Variants in WDR83 observed in about 807,000 individuals in gnomAD.
WDR83 encodes WD repeat domain 83.
Under a neutral mutation model 37.7 loss-of-function variants are expected in WDR83, and 37 were observed. The ratio of observed to expected loss-of-function variants is 0.98; its 90% CI spans 0.76 to 1.29. The LOEUF is 1.29. Ranked by LOEUF, WDR83 falls within the 50% of genes most tolerant of loss-of-function variation. The pLI is 0.00. For synonymous variants in WDR83, 174 were observed against 181.1 expected (o/e 0.96, Z 0.31); for missense variants, 445 against 414.4 (o/e 1.07, Z -0.64).
At chr19:12,670,526 A>G (rs1231465840) in intron 5 of WDR83, 37 bp from the exon 6 acceptor site, 2 of 1,614,096 alleles carry the variant, frequency 1.2e-6, no homozygotes, top group East Asian at 2.2e-5. Flanking sequence ...CAGTCCTCCA[A>G]AGTCCAGCCT....
chr19:12,667,009 T>A lies in WDR83; in HGVS notation c.-157+17T>A, dbSNP rs575620500. On this transcript the variant is annotated intron_variant, in intron 1 of 10. Coordinates refer to ENST00000418543, the MANE Select transcript of WDR83 (RefSeq NM_001099737.3). ...TTAATGCCGGTAGGAGCAGAAGTGCTTTTCCTAAGGGGGCCGGGTTTTCCT... is the reference window on the plus strand; with the variant it reads ...TTAATGCCGGTAGGAGCAGAAGTGCATTTCCTAAGGGGGCCGGGTTTTCCT... 1.1e-5 allele frequency: 5 copies of A among 470,640 alleles called. No individual in the cohort carries two copies. The highest frequency in any genetic ancestry group is 1.0e-4 in the African/African-American group (5 of 49,332). The allele number at this position is 470,640 out of a possible 1,614,324, so 29.2% of individuals were successfully genotyped here.
chr19:12,671,655 G>C (rs916141349), intron 7 of WDR83, among the ~76,000 whole-genome samples: 6 of 152,110 alleles, frequency 3.9e-5, no homozygotes, highest in Non-Finnish European at 7.4e-5. Flanking sequence ...CTCAAAATAA[G>C]TAAATAAATT....
At position 12,670,032 on chromosome 19, in the gene WDR83, C is replaced by T. The variant is rs763697074; in HGVS notation, c.159C>T (p.Asn53=). The T allele has an allele frequency of 5.6e-6, 9 of 1,613,396 alleles. No individual in the cohort carries two copies. Among genetic ancestry groups the T allele is most frequent in the South Asian group, 2.2e-5 (2 of 91,056 alleles). ...CGSDKTLKLW[N]PLRGTLLRTY... is the part of the protein sequence containing the mutation. The stretch of plus-strand genomic sequence containing the variant: ...GTGACAAGACGCTGAAGCTGTGGAA[C>T]CCGCTTCGGGGGACGCTGCTGCGGA... The change falls in exon 4 of 11, where the codon AAC becomes AAT. Residue 53 remains asparagine (N), a synonymous_variant. Coordinates refer to ENST00000418543, the MANE Select transcript of WDR83 (RefSeq NM_001099737.3).
chr19:12,670,538 CTCT>C (rs1340551137), intron 5 of WDR83, 22 bp from the exon 6 acceptor site: 1 of 1,614,186 alleles, frequency 6.2e-7, no homozygotes. Flanking sequence ...GTCCAGCCTC[CTCT>C]GAGTGGCAAT....
In WDR83 at chr19:12,668,579, G is replaced by A. The variant is rs778302399; in HGVS notation, c.-85G>A. The stretch of plus-strand genomic sequence containing the variant: ...AGCTCCGAGAGTTGGCAAAGCTGAT[G>A]AAGGAGCAGTAGACAGCGACCCAAG... On this transcript the variant is annotated 5_prime_UTR_variant, in exon 2 of 11. The change abolishes an upstream ATG in the 5' untranslated region. Coordinates refer to ENST00000418543, the MANE Select transcript of WDR83 (RefSeq NM_001099737.3). The A allele has an allele frequency of 4.3e-6, 7 of 1,614,028 alleles. No homozygotes were observed. The African/African-American group carries it at 9.3e-5, about 22-fold the overall frequency.
intron 2 of WDR83, chr19:12,669,412 G>C (rs138063650): frequency 6.3e-7 from 1 of 1,591,676 alleles, no homozygotes; most frequent in South Asian, 1.1e-5. Flanking sequence ...ATAGCGAGTC[G>C]AAGGCCAGAT....
intron 8 of WDR83, 38 bp downstream of exon 8, chr19:12,672,952 TGGG>T: frequency 6.3e-7 from 1 of 1,595,350 alleles, no homozygotes; most frequent in Non-Finnish European, 8.5e-7. Context: ...GCAGGGAAGA[TGGG>T]GGGCCAACCA....
intron 7 of WDR83, among the ~76,000 whole-genome samples, chr19:12,672,025 G>C (rs1451541117): frequency 2.6e-5 from 4 of 152,184 alleles, no homozygotes; most frequent in Non-Finnish European, 4.4e-5. Context: ...TCATTAAGTG[G>C]AAGTGAAGAG....
intron 10 of WDR83, among the ~76,000 whole-genome samples, chr19:12,673,848 T>C (rs1316767414): frequency 2.0e-5 from 3 of 151,918 alleles, no homozygotes; most frequent in African/African-American, 7.3e-5. Flanking sequence ...TACAGGCCCC[T>C]ACCACCATAC....
At chr19:12,671,052 G>A in intron 7 of WDR83, 1 of 558,008 alleles carries the variant, frequency 1.8e-6, no homozygotes, top group Non-Finnish European at 2.9e-6. Flanking sequence ...ATCTGGCCGG[G>A]CACGGTGGCT....
At chr19:12,671,733 C>G (rs900394040) in intron 7 of WDR83, among the ~76,000 whole-genome samples, 1 of 152,196 alleles carries the variant, frequency 6.6e-6, no homozygotes, top group African/African-American at 2.4e-5. Flanking sequence ...CAGTCTCGCT[C>G]TGTTGCCAGG....
intron 10 of WDR83, among the ~76,000 whole-genome samples, chr19:12,674,699 G>C (rs546504460): frequency 1.3e-5 from 2 of 152,158 alleles, no homozygotes; most frequent in Admixed American, 6.5e-5. Context: ...TGGTGGCAGG[G>C]AACAGGCAAG....
rs1264408507 is a variant in WDR83 at position 12,673,056 on chromosome 19, T to C, written c.623T>C (p.Val208Ala). The C allele has an allele frequency of 6.2e-7, 1 of 1,613,710 alleles. No homozygotes were observed. The highest frequency in any genetic ancestry group is 1.1e-5 in the South Asian group (1 of 91,074). ...CFSRDGQCTLVSSLDSTLRLL... is the reference protein window; with the variant it reads ...CFSRDGQCTLASSLDSTLRLL... Reference sequence around the variant, plus strand: ...AGCCGGGATGGGCAGTGCACCCTGGTGTCCAGCCTGGACTCCACATTGCGG... The same window carrying C: ...AGCCGGGATGGGCAGTGCACCCTGGCGTCCAGCCTGGACTCCACATTGCGG... The change falls in exon 9 of 11, where the codon GTG (valine) becomes GCG (alanine). Residue 208 changes from valine to alanine, a missense_variant. Transcript: ENST00000418543.
At chr19:12,674,663 G>T (rs2024517215) in intron 10 of WDR83, among the ~76,000 whole-genome samples, 1 of 152,180 alleles carries the variant, frequency 6.6e-6, no homozygotes. Flanking sequence ...CATTGGGGCT[G>T]CCAAATGGAC....
chr19:12,674,205 T>C (rs2024504641), intron 10 of WDR83, among the ~76,000 whole-genome samples: 2 of 152,212 alleles, frequency 1.3e-5, no homozygotes, highest in Admixed American at 1.3e-4. Flanking sequence ...CCGACGGCCA[T>C]GTCTAACCTT....
intron 10 of WDR83, among the ~76,000 whole-genome samples, chr19:12,673,787 C>A (rs558945240): frequency 1.3e-5 from 2 of 152,122 alleles, no homozygotes; most frequent in Non-Finnish European, 1.5e-5. Context: ...CAACCTCTTC[C>A]CCCCAGGGTT....
At position 12,675,602 on chromosome 19, in the gene WDR83, T is replaced by C; in HGVS notation, c.878T>C (p.Leu293Pro). Residue 293 changes from leucine (L) to proline (P), a missense_variant, in exon 11 of 11, where the codon CTG (leucine) becomes CCG (proline). By Grantham distance (98) the Leu-to-Pro change is moderately conservative. Transcript: ENST00000418543. ...LAYHPTEPCL[L>P]TAMGGSVQCW... ...TACCACCCAACAGAGCCCTGCCTGC[T>C]GACCGCCATGGGAGGCAGCGTCCAG... 1 of 1,604,908 alleles carries C rather than the reference T, an allele frequency of 6.2e-7. No homozygotes were observed. The highest frequency in any genetic ancestry group is 8.5e-7 in the Non-Finnish European group (1 of 1,179,952).
Position 12,670,737 on chromosome 19 carries a change from G to C in WDR83, c.422G>C (p.Arg141Pro), listed in dbSNP as rs369944457. The C allele has an allele frequency of 1.2e-5, 20 of 1,614,054 alleles. No homozygotes were observed. Among genetic ancestry groups the C allele is most frequent in the Middle Eastern group, 1.6e-4 (1 of 6,084 alleles). The stretch of plus-strand genomic sequence containing the variant: ...ATCCGCTGTTGGGATTGCCGCTCAC[G>C]GAGGCCTGAGCCAGTGCAGACGCTG... ...SSIRCWDCRS[R>P]RPEPVQTLDE... The change falls in exon 7 of 11, where the codon CGG becomes CCG. Residue 141 changes from arginine (R) to proline (P), a missense_variant. By Grantham distance (103) the Arg-to-Pro change is moderately radical. Transcript: ENST00000418543.
intron 6 of WDR83, 32 bp from the exon 7 acceptor site, chr19:12,670,663 A>G (rs767510287): frequency 1.2e-6 from 2 of 1,613,970 alleles, no homozygotes; most frequent in Admixed American, 1.7e-5. Context: ...TCCCCCTCCA[A>G]ACCTGACCTC....
Sources: gnomAD v4.1 joint callset for allele counts (sites outside exome capture counted in the v4.1 genomes callset) on GRCh38, gnomAD v4.1.1 for gene constraint, MANE v1.5 for transcripts, NCBI Gene and HGNC (gene_info 2026-07-23, HGNC 2026-07-21) for gene names.